The following FNDC1 variants were observed in gnomAD, a reference collection of about 807,000 sequenced individuals.
The protein encoded by FNDC1 is fibronectin type III domain containing 1.
A neutral mutation model predicts 168.0 loss-of-function variants in FNDC1; 96 were observed. That is an observed-to-expected ratio of 0.57 (90% CI 0.48 to 0.68). The LOEUF is 0.68. FNDC1 is among the 30% of genes least tolerant of loss of function. FNDC1 has a pLI of 0.00. For synonymous variants in FNDC1, 1,099 were observed against 1,025.9 expected (o/e 1.07, Z -1.36); for missense variants, 2,587 against 2,482.1 (o/e 1.04, Z -0.90).
At chr6:159,219,061 G>A (rs1432270804) in intron 5 of FNDC1, among the ~76,000 whole-genome samples, 2 of 140,430 alleles carry the variant, frequency 1.4e-5, no homozygotes, top group African/African-American at 5.5e-5. Flanking sequence ...TTTTTTTTGT[G>A]ACAGGGTCTT....
At chr6:159,222,915 A>G (rs1193252815) in intron 6 of FNDC1, among the ~76,000 whole-genome samples, 1 of 151,552 alleles carries the variant, frequency 6.6e-6, no homozygotes, top group Non-Finnish European at 1.5e-5. Flanking sequence ...TCTTTCACCT[A>G]GGCAAAGCAT....
chr6:159,267,970 G>A (rs1358397864), intron 22 of FNDC1, 44 bp downstream of exon 22: 2 of 1,581,074 alleles, frequency 1.3e-6, no homozygotes, highest in Admixed American at 1.8e-5. Context: ...GGAGGTGGGA[G>A]ACAAGGATTA....
chr6:159,220,214 T>C (rs1388922624), intron 5 of FNDC1, among the ~76,000 whole-genome samples: 1 of 152,198 alleles, frequency 6.6e-6, no homozygotes, highest in South Asian at 2.1e-4. Context: ...AAACAGTCCC[T>C]CTGTGTGAGA....
chr6:159,271,636 G>T lies in FNDC1; in HGVS notation c.*194G>T. 2.0e-6 allele frequency: 1 copy of T among 511,924 alleles called. No homozygotes were observed. The highest frequency in any genetic ancestry group is 3.6e-6 in the Non-Finnish European group (1 of 281,436). The allele number at this position is 511,924 out of a possible 1,614,324, so 31.7% of individuals were successfully genotyped here. A position where few individuals can be genotyped will look rare whatever the true frequency, so the allele number is the denominator to read the frequency against. The stretch of plus-strand genomic sequence containing the variant: ...CACTTCTTGGCCTGGACAATGAACA[G>T]GATTCAGTTTTGCTGTTAACTTTGC... On this transcript the variant is annotated 3_prime_UTR_variant, in exon 23 of 23. Transcript: ENST00000297267.
chr6:159,201,233 A>G (rs1351187182), intron 4 of FNDC1, among the ~76,000 whole-genome samples: 1 of 152,240 alleles, frequency 6.6e-6, no homozygotes, highest in Non-Finnish European at 1.5e-5. Context: ...CAAAAGCACT[A>G]TGGTGAGGAG....
intron 16 of FNDC1, among the ~76,000 whole-genome samples, chr6:159,250,269 T>G (rs2115014074): frequency 6.6e-6 from 1 of 152,342 alleles, no homozygotes. Flanking sequence ...TGGAAAACAC[T>G]GCCTTAGCTG....
chr6:159,172,372 A>C (rs2114912165), intron 1 of FNDC1, among the ~76,000 whole-genome samples: 1 of 152,378 alleles, frequency 6.6e-6, no homozygotes, highest in African/African-American at 2.4e-5. Flanking sequence ...AAATGAACAA[A>C]GGGAACTTGC....
chr6:159,227,986 A>T (rs897764791), intron 9 of FNDC1, among the ~76,000 whole-genome samples: 1 of 152,194 alleles, frequency 6.6e-6, no homozygotes, highest in Non-Finnish European at 1.5e-5. Flanking sequence ...CTCCCTCTGT[A>T]TTAAGTATTG....
chr6:159,219,441 G>T (rs1279272477), intron 5 of FNDC1, among the ~76,000 whole-genome samples: 3 of 152,098 alleles, frequency 2.0e-5, no homozygotes, highest in Non-Finnish European at 4.4e-5. Flanking sequence ...AGCTTGCTGG[G>T]TGGCTGTGGC....
intron 4 of FNDC1, among the ~76,000 whole-genome samples, chr6:159,211,260 A>G (rs1181613374): frequency 1.3e-5 from 2 of 152,316 alleles, no homozygotes; most frequent in Non-Finnish European, 2.9e-5. Flanking sequence ...TCAGTGGGAC[A>G]AACCAGACAA....
chr6:159,174,904 C>T (rs1260917771), intron 1 of FNDC1, among the ~76,000 whole-genome samples: 1 of 152,190 alleles, frequency 6.6e-6, no homozygotes. Context: ...CAGCCTCTCC[C>T]TTCCACCACC....
At chr6:159,208,223 G>A (rs1782528384) in intron 4 of FNDC1, among the ~76,000 whole-genome samples, 1 of 152,192 alleles carries the variant, frequency 6.6e-6, no homozygotes, top group African/African-American at 2.4e-5. Context: ...GGGTAGGACT[G>A]ACCCCAAGCT....
Position 159,271,695 on chromosome 6 carries a change from C to T in FNDC1, c.*253C>T. The stretch of plus-strand genomic sequence containing the variant: ...TTTTTTTTGTTTGTTTGTAATAGCA[C>T]ATCCCAGAGACATCAGAAACCAGCA... On this transcript the variant is annotated 3_prime_UTR_variant, in exon 23 of 23. Coordinates refer to ENST00000297267, the MANE Select transcript of FNDC1 (RefSeq NM_032532.3). 2.8e-6 allele frequency: 1 copy of T among 362,720 alleles called. No individual in the cohort carries two copies. The highest frequency in any genetic ancestry group is 4.1e-5 in the Admixed American group (1 of 24,588). 22.5% of individuals were successfully genotyped at this position (362,720 alleles called of 1,614,324 possible).
At chr6:159,238,464 G>A in intron 12 of FNDC1, 90 bp from the exon 13 acceptor site, 1 of 760,804 alleles carries the variant, frequency 1.3e-6, no homozygotes. Context: ...TCCTTCTGTG[G>A]AAGCTTCAGG....
At chr6:159,175,823 T>G (rs1781749538) in intron 1 of FNDC1, among the ~76,000 whole-genome samples, 1 of 152,210 alleles carries the variant, frequency 6.6e-6, no homozygotes, top group African/African-American at 2.4e-5. Context: ...AAATCACAAC[T>G]TTGAACCTTT....
intron 17 of FNDC1, among the ~76,000 whole-genome samples, chr6:159,252,016 G>A (rs564559057): frequency 4.6e-5 from 7 of 152,198 alleles, no homozygotes; most frequent in African/African-American, 1.4e-4. Flanking sequence ...CTCCTTTCAC[G>A]TCTGTTGGGT....
At chr6:159,180,644 C>T (rs982221435) in intron 1 of FNDC1, among the ~76,000 whole-genome samples, 1 of 152,066 alleles carries the variant, frequency 6.6e-6, no homozygotes, top group African/African-American at 2.4e-5. Flanking sequence ...CCTGTCCTCC[C>T]CTGACAGGCC....
intron 4 of FNDC1, among the ~76,000 whole-genome samples, chr6:159,214,649 T>C (rs1191228257): frequency 3.5e-4 from 54 of 152,150 alleles, no homozygotes; most frequent in Non-Finnish European, 1.2e-4. Context: ...CAAAAGGAAA[T>C]AGATAAAAAG....
chr6:159,255,180 G>A (rs1353017408), intron 17 of FNDC1, among the ~76,000 whole-genome samples: 1 of 152,170 alleles, frequency 6.6e-6, no homozygotes, highest in African/African-American at 2.4e-5. Context: ...CAAGGGTGCT[G>A]CCTAGTTTTC....
Sources: gnomAD v4.1 joint callset for allele counts (sites outside exome capture counted in the v4.1 genomes callset) on GRCh38, gnomAD v4.1.1 for gene constraint, MANE v1.5 for transcripts, NCBI Gene and HGNC (gene_info 2026-07-23, HGNC 2026-07-21) for gene names.